ZC3H3: variants seen among roughly 807,000 people sequenced by gnomAD.
ZC3H3 encodes zinc finger CCCH-type containing 3, also known as zinc finger CCCH domain-containing protein 3.
ZC3H3 carries 36 observed loss-of-function variants against 77.3 expected under a neutral mutation model. The observed-to-expected ratio is 0.47, with a 90% CI of 0.36 to 0.61. The LOEUF (loss-of-function observed/expected upper bound fraction) is 0.61, where lower values mean the gene tolerates loss of function less well. Ranked by LOEUF, ZC3H3 falls within the 20% of genes least tolerant of loss-of-function variation. The pLI is 0.00. For synonymous variants in ZC3H3, 626 were observed against 555.2 expected (o/e 1.13, Z -1.79); for missense variants, 1,331 against 1,312.2 (o/e 1.01, Z -0.22).
At chr8:143,450,703 C>T (rs1247758549) in intron 9 of ZC3H3, among the ~76,000 whole-genome samples, 1 of 152,130 alleles carries the variant, frequency 6.6e-6, no homozygotes, top group Non-Finnish European at 1.5e-5. Flanking sequence ...TTTAAACAGC[C>T]AGATCTTGTG....
rs1187210230 is a variant in ZC3H3, at chr8:143,530,582, G to A, written c.1561+5675C>T. ...TGGCCTGGAGTGTACAGCCTGGACA[G>A]CATCCCTCTGCACAGGCCGGCCAGG... On this transcript the variant is annotated intron_variant, in intron 3 of 11. Transcript: ENST00000262577. The surrounding 1 kb of genome is among the most constrained non-coding windows in gnomAD (Gnocchi z 4.3). 6.6e-6 allele frequency among the ~76,000 whole-genome samples: 1 copy of A among 152,098 alleles called. No individual in the cohort carries two copies.
At chr8:143,488,515 C>G (rs1014451687) in intron 4 of ZC3H3, among the ~76,000 whole-genome samples, 2 of 151,434 alleles carry the variant, frequency 1.3e-5, no homozygotes, top group East Asian at 1.9e-4. Flanking sequence ...CCCATCACCA[C>G]GAAGCTCAGA....
At chr8:143,446,752 CTCA>C (rs1316751682) in intron 9 of ZC3H3, among the ~76,000 whole-genome samples, 1 of 152,248 alleles carries the variant, frequency 6.6e-6, no homozygotes, top group Non-Finnish European at 1.5e-5. Flanking sequence ...CCTGGGTGGG[CTCA>C]TGTTTCCAGC....
In ZC3H3 at chr8:143,533,920, C is replaced by T. The variant is rs1480209638; in HGVS notation, c.1561+2337G>A. ...TGAACTCCTGACCTCAGGTGATCCA[C>T]CCGCCTCGGCCTCCCAGTGTGCTGG... On this transcript the variant is annotated intron_variant, in intron 3 of 11. Coordinates refer to ENST00000262577, the MANE Select transcript of ZC3H3 (RefSeq NM_015117.3). This position sits in a 1 kb window ranked among gnomAD's most constrained non-coding sequence, Gnocchi z 4.0. Among the ~76,000 whole-genome samples the T allele has an allele frequency of 1.3e-5, 2 of 152,086 alleles. No individual in the cohort carries two copies. The highest frequency in any genetic ancestry group is 2.4e-5 in the African/African-American group (1 of 41,438).
chr8:143,534,279 TAAAA>T (rs551776128), intron 3 of ZC3H3, among the ~76,000 whole-genome samples: 1 of 123,486 alleles, frequency 8.1e-6, no homozygotes, highest in African/African-American at 3.0e-5. Flanking sequence ...CTAAAAACAT[TAAAA>T]AAAAAAAAAA....
rs941860018 is a variant in ZC3H3 at position 143,508,006 on chromosome 8, T to G, written c.1562-107A>C. The G allele has an allele frequency of 1.7e-5, 22 of 1,298,826 alleles. No homozygotes were observed. The African/African-American group carries it at 3.2e-4, about 19-fold the overall frequency. The allele number at this position is 1,298,826 out of a possible 1,614,324, so 80.5% of individuals were successfully genotyped here. ...CTCTGCCCACCGCCTCCGCCGGAGC[T>G]TGAAGACCCTCCATCGCCCCGTGGA... On this transcript the variant is annotated intron_variant, in intron 3 of 11. Coordinates refer to ENST00000262577, the MANE Select transcript of ZC3H3 (RefSeq NM_015117.3).
In ZC3H3 at chr8:143,440,164, AG is replaced by A; in HGVS notation, c.2691del (p.Leu898Ter). The A allele has an allele frequency of 6.2e-7, 1 of 1,612,104 alleles. No homozygotes were observed. The highest frequency in any genetic ancestry group is 1.7e-5 in the Admixed American group (1 of 59,930). Reference sequence around the variant, plus strand: ...AGCCTGTTGGAGCACGCTGCTGCTAAGGCAGCCTCCTGGAGAGATGGTGCCT... The same window carrying A: ...AGCCTGTTGGAGCACGCTGCTGCTAAGCAGCCTCCTGGAGAGATGGTGCCT... ...DHEAPSLQEA[A>X]LAAACSNRLC... is the part of the protein sequence containing the mutation. On this transcript the variant is annotated frameshift_variant, in exon 11 of 12. Coordinates refer to ENST00000262577, the MANE Select transcript of ZC3H3 (RefSeq NM_015117.3). LOFTEE classifies it high-confidence loss of function.
At chr8:143,484,117 A>G (rs770450539) in intron 4 of ZC3H3, among the ~76,000 whole-genome samples, 1 of 152,220 alleles carries the variant, frequency 6.6e-6, no homozygotes, top group African/African-American at 2.4e-5. Context: ...GGACAGGGAC[A>G]GCCTTGAGTG....
intron 1 of ZC3H3, among the ~76,000 whole-genome samples, chr8:143,540,365 T>A (rs1339120652): frequency 6.6e-6 from 1 of 152,146 alleles, no homozygotes; most frequent in East Asian, 1.9e-4. Context: ...TAGCTGGGAC[T>A]ACAGGCGCAA....
chr8:143,486,147 C>A (rs1465886089), intron 4 of ZC3H3, among the ~76,000 whole-genome samples: 1 of 152,264 alleles, frequency 6.6e-6, no homozygotes, highest in Non-Finnish European at 1.5e-5. Flanking sequence ...AGATACCCAC[C>A]CATCAACTGC....
At chr8:143,527,483 C>T (rs574848036) in intron 3 of ZC3H3, among the ~76,000 whole-genome samples, 3 of 152,282 alleles carry the variant, frequency 2.0e-5, no homozygotes, top group Non-Finnish European at 2.9e-5. Flanking sequence ...ACGGCACACA[C>T]GCGATCCCAC....
rs1820299557 is a variant in ZC3H3, at chr8:143,462,763, A to G, written c.2307+2954T>C. Among the ~76,000 whole-genome samples the G allele has an allele frequency of 6.6e-6, 1 of 152,206 alleles. No homozygotes were observed. The highest frequency in any genetic ancestry group is 1.5e-5 in the Non-Finnish European group (1 of 68,016). On this transcript the variant is annotated intron_variant, in intron 9 of 11. Transcript: ENST00000262577. This position sits in a 1 kb window ranked among gnomAD's most constrained non-coding sequence, Gnocchi z 4.7. Reference sequence around the variant, plus strand: ...GGGCCAAGGTGTGCAGGAGCTCTCAATGCAGAGGTGGGGATGGAGTCACTG... The same window carrying G: ...GGGCCAAGGTGTGCAGGAGCTCTCAGTGCAGAGGTGGGGATGGAGTCACTG...
At chr8:143,511,256 G>A (rs1414350377) in intron 3 of ZC3H3, among the ~76,000 whole-genome samples, 2 of 152,144 alleles carry the variant, frequency 1.3e-5, no homozygotes, top group East Asian at 3.9e-4. Flanking sequence ...GGGTCCAGGA[G>A]TCCTGCAGAG....
At chr8:143,507,260 G>A (rs955222064) in intron 4 of ZC3H3, among the ~76,000 whole-genome samples, 3 of 152,150 alleles carry the variant, frequency 2.0e-5, no homozygotes, top group African/African-American at 7.2e-5. Context: ...TGCGAGTGGG[G>A]GCCAGAACAC....
At chr8:143,489,679 T>C (rs381452) in intron 4 of ZC3H3, among the ~76,000 whole-genome samples, 3,059 of 152,358 alleles carry the variant, frequency 0.02, 112 homozygotes, top group African/African-American at 0.07. Context: ...CTCCTGCTAC[T>C]ATTAATGTAG....
intron 9 of ZC3H3, among the ~76,000 whole-genome samples, chr8:143,464,362 A>G (rs762636525): frequency 6.6e-6 from 1 of 152,238 alleles, no homozygotes; most frequent in Non-Finnish European, 1.5e-5. Flanking sequence ...TGCCCCAGCC[A>G]GGCCCTACCT....
chr8:143,505,762 G>A (rs1279016577), intron 4 of ZC3H3, among the ~76,000 whole-genome samples: 3 of 152,204 alleles, frequency 2.0e-5, no homozygotes, highest in Non-Finnish European at 4.4e-5. Flanking sequence ...GAGGCCTGGA[G>A]CCCATGGCCA....
intron 2 of ZC3H3, 150 bp from the exon 3 acceptor site, chr8:143,536,603 C>T: frequency 1.3e-6 from 1 of 783,314 alleles, no homozygotes; most frequent in Admixed American, 3.3e-5. Flanking sequence ...CCTCCCTCAG[C>T]CCATGGCGGC....
intron 3 of ZC3H3, among the ~76,000 whole-genome samples, chr8:143,535,533 G>A (rs1237749658): frequency 4.6e-5 from 7 of 152,140 alleles, no homozygotes; most frequent in East Asian, 1.9e-4. Flanking sequence ...TGACCCCCAC[G>A]GTGTCTGGGG....
Sources: allele counts gnomAD v4.1 joint callset (sites outside exome capture counted in the v4.1 genomes callset), GRCh38; gene constraint gnomAD v4.1.1; non-coding constraint Gnocchi (gnomAD v3.1); transcripts MANE v1.5; gene names NCBI Gene and HGNC (gene_info 2026-07-23, HGNC 2026-07-21).